FAM180A: variants seen among roughly 807,000 people sequenced by gnomAD.
FAM180A encodes family with sequence similarity 180 member A.
In FAM180A, 14 loss-of-function variants were observed where a neutral mutation model predicts 15.3. The observed-to-expected ratio is 0.92, with a 90% confidence interval of 0.61 to 1.43. The LOEUF is 1.43. Ranked by LOEUF, FAM180A falls within the 40% of genes most tolerant of loss-of-function variation. The pLI is 0.00. For missense variants in FAM180A, 200 were observed against 220.8 expected, an observed-to-expected ratio of 0.91 and a Z score of 0.60; for synonymous variants, 90 against 96.8, an observed-to-expected ratio of 0.93 and a Z score of 0.41.
Position 135,748,575 on chromosome 7 carries a change from A to G in FAM180A, c.6T>C (p.His2=). 1 of 1,613,862 alleles carries G rather than the reference A, an allele frequency of 6.2e-7. No homozygotes were observed. The highest frequency in any genetic ancestry group is 8.5e-7 in the Non-Finnish European group (1 of 1,179,770). Residue 2 remains histidine (H), a synonymous_variant, in exon 1 of 4, where the codon CAT becomes CAC. Coordinates refer to ENST00000338588, the MANE Select transcript of FAM180A (RefSeq NM_205855.4). M[H]WKMLLLLLLY... is the part of the protein sequence containing the mutation. ...ACAGCAGAAGCAGCAACATCTTCCAATGCATCTTGTCCTTCAAAAGGTGAA... is the reference window on the plus strand; with the variant it reads ...ACAGCAGAAGCAGCAACATCTTCCAGTGCATCTTGTCCTTCAAAAGGTGAA...
intron 1 of FAM180A, among the ~76,000 whole-genome samples, chr7:135,747,895 C>T (rs772714844): frequency 1.9e-4 from 29 of 152,316 alleles, no homozygotes; most frequent in Middle Eastern, 3.4e-3. Flanking sequence ...CTAGGAGGAA[C>T]TACATCCTGA....
intron 1 of FAM180A, among the ~76,000 whole-genome samples, chr7:135,739,939 C>T (rs1373856385): frequency 6.6e-6 from 1 of 152,190 alleles, no homozygotes; most frequent in Admixed American, 6.5e-5. Flanking sequence ...ATGACCAAAT[C>T]CCTGCACTAA....
chr7:135,731,817 G>A (rs542660197), intron 3 of FAM180A, among the ~76,000 whole-genome samples: 3 of 152,312 alleles, frequency 2.0e-5, no homozygotes, highest in African/African-American at 4.8e-5. Context: ...GCACTGCTAT[G>A]CAAAGCTTAT....
At chr7:135,741,597 G>A (rs1445780855) in intron 1 of FAM180A, among the ~76,000 whole-genome samples, 1 of 152,042 alleles carries the variant, frequency 6.6e-6, no homozygotes, top group African/African-American at 2.4e-5. Flanking sequence ...GCTGAGGCGG[G>A]TGGATAACTT....
At chr7:135,733,081 A>G (rs1563178007) in intron 3 of FAM180A, among the ~76,000 whole-genome samples, 1 of 152,248 alleles carries the variant, frequency 6.6e-6, no homozygotes, top group South Asian at 2.1e-4. Flanking sequence ...AGCTTTCAGA[A>G]AAGAAGAGTT....
Position 135,733,661 on chromosome 7 carries a change from A to G in FAM180A, c.*314T>C. 1.8e-6 allele frequency: 2 copies of G among 1,112,352 alleles called. No homozygotes were observed. Among genetic ancestry groups the G allele is most frequent in the Non-Finnish European group, 2.2e-6 (2 of 912,418 alleles). 68.9% of individuals were successfully genotyped at this position (1,112,352 alleles called of 1,614,324 possible). A position where few individuals can be genotyped will look rare whatever the true frequency, so the allele number is the denominator to read the frequency against. Reference sequence around the variant, plus strand: ...TGTGCCCGGCCTGTTCTCACTCTTGAGTGTGTGGCCACTGCTCTGGGTTGA... The same window carrying G: ...TGTGCCCGGCCTGTTCTCACTCTTGGGTGTGTGGCCACTGCTCTGGGTTGA... On this transcript the variant is annotated 3_prime_UTR_variant, in exon 3 of 4. Transcript: ENST00000338588.
At chr7:135,743,572 C>T (rs920013446) in intron 1 of FAM180A, among the ~76,000 whole-genome samples, 16 of 152,150 alleles carry the variant, frequency 1.1e-4, no homozygotes, top group Non-Finnish European at 2.2e-4. Flanking sequence ...CTGCCTATTG[C>T]ACACCTGCCC....
intron 1 of FAM180A, among the ~76,000 whole-genome samples, chr7:135,742,847 T>C (rs983290124): frequency 6.6e-6 from 1 of 152,218 alleles, no homozygotes; most frequent in Non-Finnish European, 1.5e-5. Context: ...ATTTTATAGA[T>C]GAAGAAACTT....
chr7:135,748,608 C>T lies in FAM180A; in HGVS notation c.-28G>A, dbSNP rs1584756141. The T allele has an allele frequency of 6.3e-7, 1 of 1,594,024 alleles. No individual in the cohort carries two copies. Among genetic ancestry groups the T allele is most frequent in the Non-Finnish European group, 8.6e-7 (1 of 1,161,880 alleles). ...TGTCCTTCAAAAGGTGAAAAATCGACCCTCAAGCCCAGTGGAACCCCAGTA... is the reference window on the plus strand; with the variant it reads ...TGTCCTTCAAAAGGTGAAAAATCGATCCTCAAGCCCAGTGGAACCCCAGTA... On this transcript the variant is annotated 5_prime_UTR_variant, in exon 1 of 4. Transcript: ENST00000338588.
intron 1 of FAM180A, among the ~76,000 whole-genome samples, chr7:135,745,698 G>A (rs779752102): frequency 6.6e-5 from 10 of 151,926 alleles, no homozygotes; most frequent in Non-Finnish European, 7.4e-5. Flanking sequence ...ACAACAAGGC[G>A]CATATTGCCT....
At chr7:135,737,786 A>G (rs1036721796) in intron 1 of FAM180A, among the ~76,000 whole-genome samples, 2 of 152,076 alleles carry the variant, frequency 1.3e-5, no homozygotes, top group East Asian at 3.9e-4. Context: ...AAAGAAAAAG[A>G]AAAAGGAAGA....
intron 2 of FAM180A, among the ~76,000 whole-genome samples, chr7:135,736,147 T>G (rs1796867424): frequency 6.6e-6 from 1 of 151,488 alleles, no homozygotes; most frequent in Non-Finnish European, 1.5e-5. Flanking sequence ...CTCAGCCTCC[T>G]GAGTGGCTGG....
At chr7:135,737,936 G>A (rs1278085897) in intron 1 of FAM180A, among the ~76,000 whole-genome samples, 2 of 152,210 alleles carry the variant, frequency 1.3e-5, no homozygotes, top group African/African-American at 4.8e-5. Flanking sequence ...TGAGTTCCCT[G>A]AAAACACTGT....
intron 1 of FAM180A, among the ~76,000 whole-genome samples, chr7:135,740,630 A>G (rs1298861898): frequency 6.6e-6 from 1 of 152,168 alleles, no homozygotes; most frequent in African/African-American, 2.4e-5. Flanking sequence ...CTTCTACCAT[A>G]AAACAATTCA....
intron 2 of FAM180A, among the ~76,000 whole-genome samples, chr7:135,735,917 G>T (rs550944523): frequency 6.6e-6 from 1 of 152,082 alleles, no homozygotes; most frequent in African/African-American, 2.4e-5. Flanking sequence ...TGGCCAGGCT[G>T]GTCTTGAACT....
In FAM180A at chr7:135,730,153, A is replaced by G; in HGVS notation, c.*458T>C. 3 of 985,430 alleles carry G rather than the reference A, an allele frequency of 3.0e-6. No individual in the cohort carries two copies. The highest frequency in any genetic ancestry group is 3.6e-6 in the Non-Finnish European group (3 of 829,914). The allele number at this position is 985,430 out of a possible 1,614,324, so 61.0% of individuals were successfully genotyped here. On this transcript the variant is annotated 3_prime_UTR_variant, in exon 4 of 4. Transcript: ENST00000338588. ...TAGATTCAAGGTGAGGTGACAGAGC[A>G]ATGAAGTCTGCAGCAGTTAAATGTC...
chr7:135,748,594 A>G lies in FAM180A; in HGVS notation c.-14T>C. On this transcript the variant is annotated 5_prime_UTR_variant, in exon 1 of 4. Coordinates refer to ENST00000338588, the MANE Select transcript of FAM180A (RefSeq NM_205855.4). ...CTTCCAATGCATCTTGTCCTTCAAA[A>G]GGTGAAAAATCGACCCTCAAGCCCA... 1.2e-6 allele frequency: 2 copies of G among 1,612,428 alleles called. No individual in the cohort carries two copies. Among genetic ancestry groups the G allele is most frequent in the Non-Finnish European group, 1.7e-6 (2 of 1,178,534 alleles).
chr7:135,732,689 T>TCA (rs143588470), intron 3 of FAM180A, among the ~76,000 whole-genome samples: 12,121 of 141,482 alleles, frequency 0.086, 524 homozygotes, highest in East Asian at 0.12. Flanking sequence ...CGAGACTCCA[T>TCA]CACACACACA....
chr7:135,741,044 T>C (rs1478013420), intron 1 of FAM180A, among the ~76,000 whole-genome samples: 2 of 152,148 alleles, frequency 1.3e-5, no homozygotes, highest in Non-Finnish European at 2.9e-5. Context: ...GAGCCCTTTC[T>C]GCTCCCTGTA....
Sources: allele counts gnomAD v4.1 joint callset (sites outside exome capture counted in the v4.1 genomes callset), GRCh38; gene constraint gnomAD v4.1.1; transcripts MANE v1.5; gene names NCBI Gene and HGNC (gene_info 2026-07-23, HGNC 2026-07-21).